The following IQSEC1 variants were observed in gnomAD, a reference collection of about 807,000 sequenced individuals.
IQSEC1 encodes IQ motif and SEC7 domain-containing protein 1.
IQSEC1 carries 31 observed loss-of-function variants against 91.0 expected under a neutral mutation model. The observed-to-expected ratio is 0.34, with a 90% confidence interval of 0.26 to 0.46. IQSEC1 has a LOEUF of 0.46. Among genes scored for constraint, IQSEC1 ranks in the 20% least tolerant of loss-of-function variants. The pLI is 1.00. For missense variants in IQSEC1, 1,388 were observed against 1,575.6 expected (o/e 0.88, Z 2.02); for synonymous variants, 699 against 662.6 (o/e 1.05, Z -0.84).
At position 13,200,101 on chromosome 3, in the gene IQSEC1, G is replaced by A. The variant is rs534368390; in HGVS notation, c.273-35968C>T. Among the ~76,000 whole-genome samples the A allele has an allele frequency of 1.9e-4, 28 of 144,592 alleles. No homozygotes were observed. The East Asian group carries it at 3.1e-3, about 16-fold the overall frequency. 94.9% of individuals were successfully genotyped at this position (144,592 alleles called of 152,430 possible). A position where few individuals can be genotyped will look rare whatever the true frequency, so the allele number is the denominator to read the frequency against. ...ACATGCATATACACAACATGCGCGC[G>A]CACGCACACACACATACACCACAGA... On this transcript the variant is annotated intron_variant, in intron 1 of 15. Coordinates refer to the IQSEC1 transcript ENST00000648114.
chr3:13,085,591 G>A (rs1294442552), intron 2 of IQSEC1, among the ~76,000 whole-genome samples: 1 of 152,230 alleles, frequency 6.6e-6, no homozygotes, highest in African/African-American at 2.4e-5. Flanking sequence ...GGTCCTTGCT[G>A]GAGTGAGCAC....
chr3:13,161,807 G>A (rs996385996), intron 2 of IQSEC1, among the ~76,000 whole-genome samples: 2 of 152,144 alleles, frequency 1.3e-5, no homozygotes, highest in Non-Finnish European at 2.9e-5. Context: ...TCCCTTGCCC[G>A]GCTTCTCCTG....
At chr3:13,219,837 G>A (rs945010393) in intron 1 of IQSEC1, among the ~76,000 whole-genome samples, 10 of 152,250 alleles carry the variant, frequency 6.6e-5, no homozygotes, top group African/African-American at 2.4e-4. Flanking sequence ...TTCCCAGCAA[G>A]GCCCTGAGAG....
intron 1 of IQSEC1, among the ~76,000 whole-genome samples, chr3:12,976,840 G>A (rs896859560): frequency 7.9e-5 from 12 of 152,092 alleles, no homozygotes; most frequent in African/African-American, 2.9e-4. Context: ...CCACCCACAG[G>A]GCTAAGGTAG....
chr3:13,223,951 G>C (rs1342055026), intron 1 of IQSEC1, among the ~76,000 whole-genome samples: 1 of 152,194 alleles, frequency 6.6e-6, no homozygotes, highest in Non-Finnish European at 1.5e-5. Context: ...TCAGCACAAA[G>C]CAGTGCCTCG....
At chr3:13,054,902 GA>G (rs1193486053) in intron 1 of IQSEC1, among the ~76,000 whole-genome samples, 2 of 152,216 alleles carry the variant, frequency 1.3e-5, no homozygotes. Flanking sequence ...AAACGGGGCT[GA>G]TCAGAGGTTA....
chr3:13,075,949 C>T (rs751770557), upstream of IQSEC1, among the ~76,000 whole-genome samples: 18 of 152,226 alleles, frequency 1.2e-4, no homozygotes, highest in Non-Finnish European at 2.4e-4. Flanking sequence ...CTTCACCTAC[C>T]TCATGACCCC....
intron 1 of IQSEC1, among the ~76,000 whole-genome samples, chr3:13,250,888 T>C (rs1695183663): frequency 6.6e-6 from 1 of 152,132 alleles, no homozygotes; most frequent in Non-Finnish European, 1.5e-5. Context: ...GCTCCCTCCC[T>C]GCACCCACAT....
chr3:13,242,114 G>A (rs1462264744), intron 1 of IQSEC1, among the ~76,000 whole-genome samples: 7 of 152,150 alleles, frequency 4.6e-5, no homozygotes, highest in African/African-American at 1.7e-4. Flanking sequence ...AGCAGAGACC[G>A]TGCCACCTTC....
At chr3:13,240,351 A>G (rs1189508181) in intron 1 of IQSEC1, among the ~76,000 whole-genome samples, 2 of 152,196 alleles carry the variant, frequency 1.3e-5, no homozygotes, top group Non-Finnish European at 2.9e-5. Context: ...AGCCTGGGTG[A>G]CAGAGTGAGA....
intron 1 of IQSEC1, among the ~76,000 whole-genome samples, chr3:13,169,862 G>A (rs1693575795): frequency 6.6e-6 from 1 of 152,200 alleles, no homozygotes; most frequent in African/African-American, 2.4e-5. Context: ...TTTTCTAAGG[G>A]AAGCAGAGCA....
intron 2 of IQSEC1, among the ~76,000 whole-genome samples, chr3:13,144,925 G>A (rs1025569488): frequency 6.6e-6 from 1 of 152,354 alleles, no homozygotes. Context: ...GCAGGGCTAA[G>A]GCGAGGTCCC....
chr3:13,055,957 A>G (rs1355832435), intron 1 of IQSEC1, among the ~76,000 whole-genome samples: 1 of 152,018 alleles, frequency 6.6e-6, no homozygotes, highest in African/African-American at 2.4e-5. Flanking sequence ...AAGTAGCACC[A>G]CCGAGATGTC....
chr3:13,173,388 G>T (rs1040176928), intron 1 of IQSEC1, among the ~76,000 whole-genome samples: 1 of 152,198 alleles, frequency 6.6e-6, no homozygotes, highest in Non-Finnish European at 1.5e-5. Context: ...CTCAGCACCT[G>T]CAGCCCGGGC....
chr3:13,026,067 C>T (rs560069001), intron 1 of IQSEC1, among the ~76,000 whole-genome samples: 6 of 152,334 alleles, frequency 3.9e-5, no homozygotes, highest in East Asian at 1.9e-4. Context: ...TGGTTCCTGA[C>T]GGGGTGGCCA....
rs188004343 is a variant in IQSEC1, at chr3:13,113,767, G to A, written c.302+50337C>T. ...CTACTCAAACGACAGGAGTGTGCCC[G>A]CACTCTGGCCAGGCCATCCCGTCTT... On this transcript the variant is annotated intron_variant, in intron 2 of 15. Coordinates refer to the IQSEC1 transcript ENST00000648114. 1.5e-3 allele frequency among the ~76,000 whole-genome samples: 223 copies of A among 152,312 alleles called. 3 individuals are homozygous for A. The highest frequency in any genetic ancestry group is 0.011 in the Admixed American group (162 of 15,310).
Position 12,901,342 on chromosome 3 carries a change from G to T in IQSEC1, c.2986C>A (p.His996Asn), listed in dbSNP as rs1243279198. 18 of 1,520,682 alleles carry T rather than the reference G, an allele frequency of 1.2e-5. No individual in the cohort carries two copies. Among genetic ancestry groups the T allele is most frequent in the East Asian group, 7.4e-5 (3 of 40,520 alleles). The allele number at this position is 1,520,682 out of a possible 1,614,324, so 94.2% of individuals were successfully genotyped here. A position where few individuals can be genotyped will look rare whatever the true frequency, so the allele number is the denominator to read the frequency against. Residue 996 changes from histidine (H) to asparagine (N), a missense_variant, in exon 14 of 14, where the codon CAC (histidine) becomes AAC (asparagine). Transcript: ENST00000613206. The part of the protein sequence containing the change: ...LPSAPALPPP[H>N]PPVVLPHLQH... ...AAGTGAGGCAGGACCACCGGTGGGT[G>T]GGGGGGTGGCAGGGCTGGGGCTGAG...
Position 13,193,106 on chromosome 3 carries a change from G to C in IQSEC1, c.273-28973C>G, listed in dbSNP as rs1432751194. On this transcript the variant is annotated intron_variant, in intron 1 of 15. Transcript: ENST00000648114. This position sits in a 1 kb window ranked among gnomAD's most constrained non-coding sequence, Gnocchi z 4.2. ...AGGAACCCAGTTGCAGCAGGGATGG[G>C]CAGTGTCTTTTCTCAGCCTTGTCCT... Among the ~76,000 whole-genome samples the C allele has an allele frequency of 6.6e-6, 1 of 152,210 alleles. No individual in the cohort carries two copies. Among genetic ancestry groups the C allele is most frequent in the Non-Finnish European group, 1.5e-5 (1 of 68,030 alleles).
intron 1 of IQSEC1, among the ~76,000 whole-genome samples, chr3:13,251,691 C>T (rs1396970461): frequency 3.3e-5 from 5 of 152,146 alleles, no homozygotes; most frequent in Non-Finnish European, 5.9e-5. Flanking sequence ...GGTCACTGCC[C>T]GCTACCTGGG....
Sources: allele counts gnomAD v4.1 joint callset (sites outside exome capture counted in the v4.1 genomes callset), GRCh38; gene constraint gnomAD v4.1.1; non-coding constraint Gnocchi (gnomAD v3.1); transcripts MANE v1.5; gene names NCBI Gene and HGNC (gene_info 2026-07-23, HGNC 2026-07-21).